NBEA: variants seen among roughly 807,000 people sequenced by gnomAD.
The protein encoded by NBEA is neurobeachin, also known as lysosomal-trafficking regulator 2.
In NBEA, 44 loss-of-function variants were observed where a neutral mutation model predicts 343.4. The ratio of observed to expected loss-of-function variants is 0.13; its 90% confidence interval spans 0.10 to 0.16. The LOEUF (loss-of-function observed/expected upper bound fraction) is 0.16. Among genes scored for constraint, NBEA ranks in the 10% least tolerant of loss-of-function variants. The pLI, the probability that NBEA is intolerant of heterozygous loss-of-function variation, is 1.00. For synonymous variants in NBEA, 1,175 were observed against 1,238.7 expected (o/e 0.95, Z 1.08); for missense variants, 2,555 against 3,631.3 (o/e 0.70, Z 7.62).
Position 35,651,844 on chromosome 13 carries a change from A to G in NBEA, c.8003A>G (p.His2668Arg). ...GAPGYSLDQA[H>R]HLPIEMDPLI... ...CCAGGATACTCCTTGGATCAAGCCC[A>G]CCATCTTCCCATTGAAATGGATCCA... The change falls in exon 53 of 59, where the codon CAC becomes CGC. Residue 2668 changes from histidine to arginine, a missense_variant. Physicochemically the swap from His to Arg is conservative, Grantham distance 29 (BLOSUM62 0). Around this residue, in one of 21 missense-constraint regions of NBEA, gnomAD observed 61 missense variants for 132.1 expected, o/e 0.46. Transcript: ENST00000379939. 6.5e-7 allele frequency: 1 copy of G among 1,546,310 alleles called. No homozygotes were observed. The highest frequency in any genetic ancestry group is 8.8e-7 in the Non-Finnish European group (1 of 1,142,146).
chr13:35,407,932 C>T (rs1475276043), intron 38 of NBEA, among the ~76,000 whole-genome samples: 1 of 152,202 alleles, frequency 6.6e-6, no homozygotes, highest in Middle Eastern at 3.2e-3. Flanking sequence ...AATGGCCATA[C>T]TGACCAAAGC....
At chr13:35,077,409 A>C (rs1020244089) in intron 10 of NBEA, among the ~76,000 whole-genome samples, 1 of 152,172 alleles carries the variant, frequency 6.6e-6, no homozygotes, top group African/African-American at 2.4e-5. Context: ...TTACTGAGGA[A>C]CATTGTCTCC....
chr13:35,410,981 G>A (rs562336119), intron 38 of NBEA, among the ~76,000 whole-genome samples: 2 of 152,204 alleles, frequency 1.3e-5, no homozygotes, highest in Admixed American at 6.5e-5. Context: ...TCGTTCTTTG[G>A]TTCTCCAGAA....
At chr13:35,140,922 A>AC (rs1324296093) in intron 17 of NBEA, among the ~76,000 whole-genome samples, 1 of 152,116 alleles carries the variant, frequency 6.6e-6, no homozygotes, top group Non-Finnish European at 1.5e-5. Flanking sequence ...AGCTTCTCCC[A>AC]CCTTGTAGCT....
At chr13:35,166,712 T>C (rs907181041) in intron 24 of NBEA, among the ~76,000 whole-genome samples, 1 of 152,134 alleles carries the variant, frequency 6.6e-6, no homozygotes, top group Non-Finnish European at 1.5e-5. Flanking sequence ...ATGTTGTTTT[T>C]CTATTATGAA....
At chr13:35,092,890 T>C (rs184664763) in intron 10 of NBEA, among the ~76,000 whole-genome samples, 1 of 152,176 alleles carries the variant, frequency 6.6e-6, no homozygotes, top group East Asian at 1.9e-4. Flanking sequence ...CACAAAAGCC[T>C]TTATGTGAAT....
At chr13:35,402,374 A>G (rs1466313107) in intron 38 of NBEA, among the ~76,000 whole-genome samples, 1 of 152,026 alleles carries the variant, frequency 6.6e-6, no homozygotes, top group Non-Finnish European at 1.5e-5. Context: ...ATCCACATTA[A>G]TGAGAATTTG....
chr13:35,211,196 T>C lies in NBEA; in HGVS notation c.5648+17T>C. 6.5e-7 allele frequency: 1 copy of C among 1,537,816 alleles called. No individual in the cohort carries two copies. The highest frequency in any genetic ancestry group is 8.8e-7 in the Non-Finnish European group (1 of 1,140,554). ...AAATATGAGGTATGCATGACTACTTTTTATTCATTTTAACTCTTTTTAAAT... is the reference window on the plus strand; with the variant it reads ...AAATATGAGGTATGCATGACTACTTCTTATTCATTTTAACTCTTTTTAAAT... On this transcript the variant is annotated intron_variant, in intron 33 of 58. Coordinates refer to ENST00000379939, the MANE Select transcript of NBEA (RefSeq NM_001385012.1).
At chr13:35,376,215 C>T (rs941229852) in intron 38 of NBEA, among the ~76,000 whole-genome samples, 10 of 152,042 alleles carry the variant, frequency 6.6e-5, no homozygotes, top group Admixed American at 2.6e-4. Context: ...AAGTACAGAG[C>T]CTTTGCACAT....
rs2066606282 is a variant in NBEA at position 35,118,212 on chromosome 13, A to G, written c.2083-16A>G. 2 of 1,425,376 alleles carry G rather than the reference A, an allele frequency of 1.4e-6. No homozygotes were observed. Among genetic ancestry groups the G allele is most frequent in the South Asian group, 1.5e-5 (1 of 66,018 alleles). The allele number at this position is 1,425,376 out of a possible 1,614,324, so 88.3% of individuals were successfully genotyped here. Reference sequence around the variant, plus strand: ...AATTTTAGATGTAAAGTAATAAAATATTTTTTAAAAATTAGGATCGAGGGG... The same window carrying G: ...AATTTTAGATGTAAAGTAATAAAATGTTTTTTAAAAATTAGGATCGAGGGG... On this transcript the variant is annotated splice_polypyrimidine_tract_variant and intron_variant, in intron 14 of 58. Transcript: ENST00000379939.
intron 1 of NBEA, among the ~76,000 whole-genome samples, chr13:35,016,793 T>TATAA (rs2152538316): frequency 6.6e-6 from 1 of 152,138 alleles, no homozygotes; most frequent in South Asian, 2.1e-4. Flanking sequence ...AACTGAGAAG[T>TATAA]ATAAGAAAGA....
At chr13:35,451,396 A>G (rs2046307169) in intron 39 of NBEA, among the ~76,000 whole-genome samples, 1 of 152,224 alleles carries the variant, frequency 6.6e-6, no homozygotes, top group Admixed American at 6.5e-5. Context: ...TGCTGGGATT[A>G]CAGGCGTGAG....
intron 34 of NBEA, among the ~76,000 whole-genome samples, chr13:35,246,606 G>T (rs1270956583): frequency 1.3e-5 from 2 of 152,144 alleles, no homozygotes. Context: ...TGGTACTGAG[G>T]TTTGTTTGCA....
At chr13:34,996,992 C>G (rs1446815510) in intron 1 of NBEA, among the ~76,000 whole-genome samples, 1 of 151,990 alleles carries the variant, frequency 6.6e-6, no homozygotes, top group South Asian at 2.1e-4. Flanking sequence ...CTGGATTAGT[C>G]AGGAAATTTG....
intron 37 of NBEA, among the ~76,000 whole-genome samples, chr13:35,351,474 A>G (rs999449769): frequency 4.6e-5 from 7 of 151,994 alleles, no homozygotes; most frequent in African/African-American, 1.7e-4. Context: ...GTAAGAATGA[A>G]TACATGTCAG....
At chr13:35,388,420 A>G (rs1205556026) in intron 38 of NBEA, among the ~76,000 whole-genome samples, 2 of 152,166 alleles carry the variant, frequency 1.3e-5, no homozygotes, top group Admixed American at 1.3e-4. Context: ...TGTGGAAACC[A>G]TACATTCCCC....
intron 39 of NBEA, among the ~76,000 whole-genome samples, chr13:35,445,663 A>G (rs2045964439): frequency 1.3e-5 from 2 of 151,538 alleles, no homozygotes; most frequent in South Asian, 4.1e-4. Context: ...TTTACTCAAC[A>G]AACATTTGTT....
intron 47 of NBEA, among the ~76,000 whole-genome samples, chr13:35,605,525 G>A (rs1016214459): frequency 2.6e-5 from 4 of 152,080 alleles, no homozygotes; most frequent in African/African-American, 9.7e-5. Flanking sequence ...ACAAATAAAT[G>A]TGTAGCCTCA....
intron 36 of NBEA, among the ~76,000 whole-genome samples, chr13:35,318,148 G>A (rs2152838383): frequency 6.6e-6 from 1 of 152,310 alleles, no homozygotes; most frequent in East Asian, 1.9e-4. Context: ...TTGAAGAGGA[G>A]TGGTGAGAGA....
Sources: gnomAD v4.1 joint callset for allele counts (sites outside exome capture counted in the v4.1 genomes callset) on GRCh38, gnomAD v4.1.1 for gene constraint, gnomAD v4.1.1 regional missense constraint, MANE v1.5 for transcripts, NCBI Gene and HGNC (gene_info 2026-07-23, HGNC 2026-07-21) for gene names.